RPGR: variants seen among roughly 807,000 people sequenced by gnomAD.
RPGR encodes the protein X-linked retinitis pigmentosa GTPase regulator.
RPGR carries 10 observed loss-of-function variants against 56.3 expected under a neutral mutation model. The observed-to-expected ratio is 0.18, with a 90% confidence interval of 0.11 to 0.30. The LOEUF is 0.30. Among genes scored for constraint, RPGR ranks in the 10% least tolerant of loss-of-function variants. RPGR has a pLI of 1.00. For missense variants in RPGR, 538 were observed against 590.9 expected (o/e 0.91, Z 0.93); for synonymous variants, 197 against 212.9 (o/e 0.93, Z 0.65).
At chrX:38,323,361 T>A in intron 2 of RPGR, 38 bp downstream of exon 2, 1 of 1,139,066 alleles carries the variant, frequency 8.8e-7, no homozygotes. Context: ...TAGAATTTTC[T>A]AAGTATTACT....
rs2067200676 is a variant in RPGR, at chrX:38,287,132, T to C, written c.1867A>G (p.Thr623Ala). Reference sequence around the variant, plus strand: ...GTAAGGTCATCTGATAGGATCTCTGTTTTCTCCTTTCTTCCTCCATGCACC... The same window carrying C: ...GTAAGGTCATCTGATAGGATCTCTGCTTTCTCCTTTCTTCCTCCATGCACC... Residue 623 changes from threonine to alanine, a missense_variant, in exon 15 of 19, where the codon ACA becomes GCA. Thr to Ala is a moderately conservative substitution (Grantham distance 58). Coordinates refer to ENST00000642395, the MANE Select transcript of RPGR (RefSeq NM_000328.3). 8.3e-7 allele frequency: 1 copy of C among 1,208,630 alleles called. No individual in the cohort carries two copies. The highest frequency in any genetic ancestry group is 1.1e-6 in the Non-Finnish European group (1 of 894,992).
intron 8 of RPGR, 77 bp from the exon 9 acceptor site, chrX:38,301,448 A>T: frequency 1.1e-6 from 1 of 896,270 alleles, no homozygotes; most frequent in Non-Finnish European, 1.6e-6. Flanking sequence ...TAAACATGTT[A>T]ACTCATACTG....
rs2067217599 is a variant in RPGR at position 38,287,928 on chromosome X, A to C, written c.1686T>G (p.His562Gln). Reference sequence around the variant, plus strand: ...GCGTCATGAAAATCCCTTGTGACACATGTTGTTTACATGCTTTCCCTTCTT... The same window carrying C: ...GCGTCATGAAAATCCCTTGTGACACCTGTTGTTTACATGCTTTCCCTTCTT... Residue 562 changes from histidine to glutamine, a missense_variant, in exon 14 of 19, where the codon CAT becomes CAG. Around this residue, in one of 2 missense-constraint regions of RPGR, gnomAD observed 357 missense variants for 325.8 expected, o/e 1.10. Coordinates refer to ENST00000642395, the MANE Select transcript of RPGR (RefSeq NM_000328.3). 1.7e-6 allele frequency: 2 copies of C among 1,211,154 alleles called. No individual in the cohort carries two copies. The highest frequency in any genetic ancestry group is 2.2e-6 in the Non-Finnish European group (2 of 895,102).
intron 3 of RPGR, 97 bp downstream of exon 3, chrX:38,322,756 A>C: frequency 1.5e-6 from 1 of 646,840 alleles, no homozygotes; most frequent in Non-Finnish European, 2.5e-6. Flanking sequence ...TCAGAAAATA[A>C]AGAACTAAAA....
intron 13 of RPGR, among the ~76,000 whole-genome samples, chrX:38,288,346 T>A (rs766281285): frequency 8.9e-6 from 1 of 112,221 alleles, no homozygotes; most frequent in Non-Finnish European, 1.9e-5. Flanking sequence ...TCTGCCTCTT[T>A]TCTCAATCCG....
Position 38,297,342 on chromosome X carries a change from C to T in RPGR, c.1356G>A (p.Glu452=), listed in dbSNP as rs763638295. The change falls in exon 11 of 19, where the codon GAG becomes GAA. Residue 452 remains glutamate, a synonymous_variant. Coordinates refer to ENST00000642395, the MANE Select transcript of RPGR (RefSeq NM_000328.3). ...ATAAGACACTCTCTTGGAGGTTTCTCTCAGAACATCGTGGAAAGACTGAAT... is the reference window on the plus strand; with the variant it reads ...ATAAGACACTCTCTTGGAGGTTTCTTTCAGAACATCGTGGAAAGACTGAAT... The T allele has an allele frequency of 8.8e-5, 106 of 1,207,699 alleles. No homozygotes were observed. The highest frequency in any genetic ancestry group is 1.2e-4 in the Non-Finnish European group (103 of 894,570).
chrX:38,307,714 T>C (rs2067629920), intron 7 of RPGR, among the ~76,000 whole-genome samples: 1 of 112,030 alleles, frequency 8.9e-6, no homozygotes, highest in African/African-American at 3.2e-5. Context: ...CTGCCTATAC[T>C]GTGCTCCAGA....
intron 6 of RPGR, among the ~76,000 whole-genome samples, chrX:38,312,800 C>T (rs1335968950): frequency 5.4e-5 from 6 of 110,929 alleles, no homozygotes; most frequent in African/African-American, 2.0e-4. Flanking sequence ...AAAAATTAGC[C>T]GAGTGTGGTG....
At chrX:38,322,994 T>C in intron 2 of RPGR, 49 bp from the exon 3 acceptor site, 2 of 947,939 alleles carry the variant, frequency 2.1e-6, no homozygotes, top group Non-Finnish European at 3.1e-6. Context: ...TTTCACATAA[T>C]GTAAGATGAG....
At chrX:38,284,691 A>G in intron 15 of RPGR, 2 of 716,665 alleles carry the variant, frequency 2.8e-6, no homozygotes, top group Non-Finnish European at 3.3e-6. Context: ...CGTTTCTTAC[A>G]TGAATAACAA....
chrX:38,325,923 G>C (rs1329301964), intron 1 of RPGR: 1 of 111,894 alleles, frequency 8.9e-6, no homozygotes, highest in Non-Finnish European at 1.9e-5. Flanking sequence ...CAAGGTGGGT[G>C]ATCACACATA....
chrX:38,287,945 T>C lies in RPGR; in HGVS notation c.1669A>G (p.Lys557Glu), dbSNP rs1183201834. Residue 557 changes from lysine to glutamate, a missense_variant, in exon 14 of 19, where the codon AAA becomes GAA. This residue lies in a region of RPGR where 357 missense variants were observed against 325.8 expected (regional missense o/e 1.10). Coordinates refer to ENST00000642395, the MANE Select transcript of RPGR (RefSeq NM_000328.3). Reference sequence around the variant, plus strand: ...TGTGACACATGTTGTTTACATGCTTTCCCTTCTTTCATTTCTGACATTTCT... The same window carrying C: ...TGTGACACATGTTGTTTACATGCTTCCCCTTCTTTCATTTCTGACATTTCT... 1 of 1,210,675 alleles carries C rather than the reference T, an allele frequency of 8.3e-7. No homozygotes were observed. Among genetic ancestry groups the C allele is most frequent in the Admixed American group, 2.2e-5 (1 of 46,023 alleles).
chrX:38,280,356 G>A (rs764901482), intron 15 of RPGR, among the ~76,000 whole-genome samples: 9 of 110,252 alleles, frequency 8.2e-5, no homozygotes, highest in African/African-American at 9.9e-5. Context: ...CATTTAAAAC[G>A]TCCACTTATT....
chrX:38,327,094 G>A (rs1384940657), intron 1 of RPGR: 2 of 341,112 alleles, frequency 5.9e-6, no homozygotes, highest in South Asian at 7.4e-5. Flanking sequence ...CCTTCAAGAA[G>A]CTCATCAAGA....
At chrX:38,280,853 A>G (rs1356156482) in intron 15 of RPGR, among the ~76,000 whole-genome samples, 1 of 111,173 alleles carries the variant, frequency 9.0e-6, no homozygotes, top group South Asian at 3.8e-4. Context: ...TTTTAAATGT[A>G]AAATCTCCTG....
Position 38,327,402 on chromosome X carries a change from A to C in RPGR, c.-35T>G, listed in dbSNP as rs773673080. On this transcript the variant is annotated 5_prime_UTR_variant, in exon 1 of 19. Coordinates refer to ENST00000642395, the MANE Select transcript of RPGR (RefSeq NM_000328.3). The stretch of plus-strand genomic sequence containing the variant: ...AGTACGGGCAGCCTGCGCCGGGGCC[A>C]GGAGGCTGTAGAGGACGGTTTGGTC... 47 of 1,159,685 alleles carry C rather than the reference A, an allele frequency of 4.1e-5. No homozygotes were observed. In the African/African-American group the frequency reaches 7.7e-4, roughly 19 times the overall value.
At chrX:38,316,968 G>A (rs1366846856) in intron 6 of RPGR, among the ~76,000 whole-genome samples, 2 of 110,955 alleles carry the variant, frequency 1.8e-5, no homozygotes, top group African/African-American at 6.6e-5. Context: ...GACTATAACA[G>A]CTAGAGCCCA....
chrX:38,318,926 G>A lies in RPGR; in HGVS notation c.372C>T (p.Thr124=), dbSNP rs2067877900. 2 of 1,210,037 alleles carry A rather than the reference G, an allele frequency of 1.7e-6. No individual in the cohort carries two copies. Among genetic ancestry groups the A allele is most frequent in the Admixed American group, 2.2e-5 (1 of 45,781 alleles). ...TTACATGAAAAGTGTTTCTTTCTTC[G>A]GTGTCACCAAGCCCCAACTGTCCTT... Residue 124 remains threonine, a synonymous_variant, in exon 5 of 19, where the codon ACC becomes ACT. Coordinates refer to ENST00000642395, the MANE Select transcript of RPGR (RefSeq NM_000328.3).
At chrX:38,296,314 C>CA (rs1284603922) in intron 11 of RPGR, among the ~76,000 whole-genome samples, 14 of 103,053 alleles carry the variant, frequency 1.4e-4, no homozygotes, top group South Asian at 4.3e-4. Flanking sequence ...GAATCCGTCT[C>CA]AAAAAAAAAA....
Sources: allele counts gnomAD v4.1 joint callset (sites outside exome capture counted in the v4.1 genomes callset), GRCh38; gene constraint gnomAD v4.1.1; regional missense constraint gnomAD v4.1.1; transcripts MANE v1.5; gene names NCBI Gene and HGNC (gene_info 2026-07-23, HGNC 2026-07-21).